The following MED23 variants were observed in gnomAD, a reference collection of about 807,000 sequenced individuals.
The protein encoded by MED23 is mediator complex subunit 23, also known as mediator of RNA polymerase II transcription subunit 23.
Under a neutral mutation model 163.9 loss-of-function variants are expected in MED23, and 105 were observed. The ratio of observed to expected loss-of-function variants is 0.64; its 90% confidence interval spans 0.55 to 0.75. The LOEUF (loss-of-function observed/expected upper bound fraction) is 0.75. Among genes scored for constraint, MED23 ranks in the 30% least tolerant of loss-of-function variants. The pLI is 0.00. For missense variants in MED23, 1,054 were observed against 1,649.0 expected (o/e 0.64, Z 6.25); for synonymous variants, 561 against 565.6 (o/e 0.99, Z 0.12).
Position 131,624,787 on chromosome 6 carries a change from A to G in MED23, c.284+78T>C, listed in dbSNP as rs1777361057. 4.0e-6 allele frequency: 6 copies of G among 1,500,982 alleles called. No individual in the cohort carries two copies. The South Asian group carries it at 6.8e-5, about 17-fold the overall frequency. The allele number at this position is 1,500,982 out of a possible 1,614,324, so 93.0% of individuals were successfully genotyped here. A position where few individuals can be genotyped will look rare whatever the true frequency, so the allele number is the denominator to read the frequency against. ...TTCTTCTTCATTCTCTTACCTTTTT[A>G]CAACAACAACCTCAACCAATTTCCA... is the stretch of plus-strand genomic sequence containing the variant. On this transcript the variant is annotated intron_variant, in intron 4 of 28. Transcript: ENST00000368068.
chr6:131,604,535 C>T (rs368174434), intron 14 of MED23, among the ~76,000 whole-genome samples: 14 of 152,226 alleles, frequency 9.2e-5, no homozygotes, highest in South Asian at 6.2e-4. Flanking sequence ...AATATGCATA[C>T]GGATCCCCCT....
downstream of MED23, chr6:131,582,622 T>C (rs200319835): frequency 2.7e-5 from 44 of 1,612,636 alleles, no homozygotes; most frequent in Non-Finnish European, 3.4e-5. Context: ...TAATTTTAGA[T>C]TCCCGATGTG....
chr6:131,583,088 T>C (rs771334658), downstream of MED23: 6 of 1,613,536 alleles, frequency 3.7e-6, no homozygotes, highest in Admixed American at 5.0e-5. Context: ...AGGCATTAAA[T>C]ACTTTTCAAT....
At chr6:131,583,909 A>G, downstream of MED23, 1 of 1,613,940 alleles carries the variant, frequency 6.2e-7, no homozygotes, top group Non-Finnish European at 8.5e-7. Context: ...ACCTAAGTAA[A>G]TGTGGAAACA....
At chr6:131,608,328 AAT>A in intron 11 of MED23, among the ~76,000 whole-genome samples, 1 of 152,258 alleles carries the variant, frequency 6.6e-6, no homozygotes, top group Admixed American at 6.5e-5. Context: ...ATAAAAATGC[AAT>A]GTTTTAGAAC....
intron 30 of MED23, among the ~76,000 whole-genome samples, chr6:131,574,869 T>C (rs1773538800): frequency 6.6e-6 from 1 of 152,172 alleles, no homozygotes; most frequent in Non-Finnish European, 1.5e-5. Context: ...AGAGGTTTGG[T>C]AATGTGCTCA....
At position 131,627,671 on chromosome 6, in the gene MED23, T is replaced by C. The variant is rs1280467452; in HGVS notation, c.41A>G (p.Lys14Arg). Residue 14 changes from lysine (K) to arginine (R), a missense_variant and splice_region_variant, in exon 2 of 29, where the codon AAA (lysine) becomes AGA (arginine). Lys to Arg is a conservative substitution (Grantham distance 26). Coordinates refer to ENST00000368068, the MANE Select transcript of MED23 (RefSeq NM_004830.4). Reference protein sequence around the residue: ...QLQSIFEEVVKTEVIEEAFPG... With the variant: ...QLQSIFEEVVRTEVIEEAFPG... ...AAAAGCCTCTTCTATAACTTCCGTT[T>C]TCTGTAAAAAAAAAAAAAACAAAAT... is the stretch of plus-strand genomic sequence containing the variant. The C allele has an allele frequency of 1.3e-6, 2 of 1,590,584 alleles. No individual in the cohort carries two copies. The highest frequency in any genetic ancestry group is 1.7e-6 in the Non-Finnish European group (2 of 1,174,010).
chr6:131,625,055 C>T (rs1160083112), intron 3 of MED23, 66 bp from the exon 4 acceptor site: 5 of 1,484,672 alleles, frequency 3.4e-6, no homozygotes, highest in Non-Finnish European at 4.7e-6. Flanking sequence ...ATAGCTAATA[C>T]TACAACTGGA....
chr6:131,598,362 A>G lies in MED23; in HGVS notation c.2532T>C (p.Asn844=), dbSNP rs1407012015. The change falls in exon 20 of 29, where the codon AAT becomes AAC. Residue 844 remains asparagine, a synonymous_variant. Transcript: ENST00000368068. The surrounding 1 kb of genome is among the most constrained non-coding windows in gnomAD (Gnocchi z 4.7). ...TGTCATTAAGAATTTCAATGCATTTATTGAGTTGCTGACCCCCTGCTGATG... is the reference window on the plus strand; with the variant it reads ...TGTCATTAAGAATTTCAATGCATTTGTTGAGTTGCTGACCCCCTGCTGATG... ...FSTSAGGQQL[N]KCIEILNDMV... 1.2e-6 allele frequency: 2 copies of G among 1,614,140 alleles called. No homozygotes were observed. The highest frequency in any genetic ancestry group is 8.5e-7 in the Non-Finnish European group (1 of 1,179,990).
intron 9 of MED23, among the ~76,000 whole-genome samples, chr6:131,617,711 G>A (rs1776793127): frequency 6.6e-6 from 1 of 152,130 alleles, no homozygotes; most frequent in African/African-American, 2.4e-5. Context: ...AGTTGACAAT[G>A]TAGATATAGT....
intron 11 of MED23, among the ~76,000 whole-genome samples, chr6:131,608,653 G>C (rs1776037458): frequency 1.3e-5 from 2 of 152,134 alleles, no homozygotes; most frequent in South Asian, 4.2e-4. Context: ...CAATCCACCG[G>C]CTTCGGCCTC....
At chr6:131,590,472 A>G (rs766164006) in intron 26 of MED23, 30 bp from the exon 27 acceptor site, 5 of 1,531,130 alleles carry the variant, frequency 3.3e-6, no homozygotes, top group Non-Finnish European at 3.6e-6. Context: ...ATCTCCTGTG[A>G]CTTGAAATTA....
intron 9 of MED23, among the ~76,000 whole-genome samples, chr6:131,617,229 G>T (rs1054332267): frequency 6.6e-6 from 1 of 150,608 alleles, no homozygotes. Context: ...ATTTCTATCT[G>T]TGTCGCTGGG....
intron 10 of MED23, among the ~76,000 whole-genome samples, chr6:131,614,161 G>A (rs1285130505): frequency 6.6e-6 from 1 of 152,158 alleles, no homozygotes. Flanking sequence ...AGATACTCTA[G>A]TGTGAAGCAG....
chr6:131,607,782 TAGAG>T, intron 12 of MED23, 142 bp downstream of exon 12: 2 of 879,142 alleles, frequency 2.3e-6, no homozygotes, highest in Non-Finnish European at 3.5e-6. Flanking sequence ...ACCTAGAATG[TAGAG>T]AAAGAGCTTG....
intron 10 of MED23, among the ~76,000 whole-genome samples, chr6:131,611,522 A>G (rs1329630892): frequency 6.6e-6 from 1 of 152,228 alleles, no homozygotes; most frequent in Non-Finnish European, 1.5e-5. Context: ...TGTAATTATC[A>G]TTATGAAGCA....
intron 7 of MED23, among the ~76,000 whole-genome samples, chr6:131,620,222 G>A (rs1256836718): frequency 2.6e-5 from 4 of 151,930 alleles, no homozygotes; most frequent in Non-Finnish European, 5.9e-5. Context: ...ATTATCTAAG[G>A]ATAAAAGTCA....
intron 10 of MED23, among the ~76,000 whole-genome samples, chr6:131,612,161 G>A (rs1034946456): frequency 1.3e-5 from 2 of 151,936 alleles, no homozygotes; most frequent in African/African-American, 4.8e-5. Context: ...GATGGTAGCA[G>A]AAGAGCTATC....
At chr6:131,586,696 CCACCTGGCA>C, downstream of MED23, 1 of 1,349,528 alleles carries the variant, frequency 7.4e-7, no homozygotes, top group Non-Finnish European at 9.7e-7. Flanking sequence ...AGCCAGCACA[CCACCTGGCA>C]CACAGCCGAC....
Sources: gnomAD v4.1 joint callset for allele counts (sites outside exome capture counted in the v4.1 genomes callset) on GRCh38, gnomAD v4.1.1 for gene constraint, Gnocchi (gnomAD v3.1) non-coding constraint, MANE v1.5 for transcripts, NCBI Gene and HGNC (gene_info 2026-07-23, HGNC 2026-07-21) for gene names.